GTF2H1: variants seen among roughly 807,000 people sequenced by gnomAD.
GTF2H1 encodes the protein general transcription factor IIH subunit 1.
Under a neutral mutation model 71.2 loss-of-function variants are expected in GTF2H1, and 16 were observed. The observed-to-expected ratio is 0.22, with a 90% CI of 0.15 to 0.34. The LOEUF (loss-of-function observed/expected upper bound fraction) is 0.34, where lower values mean the gene tolerates loss of function less well. Ranked by LOEUF, GTF2H1 falls within the 10% of genes least tolerant of loss-of-function variation. GTF2H1 has a pLI of 1.00. For synonymous variants in GTF2H1, 215 were observed against 219.0 expected (o/e 0.98, Z 0.16); for missense variants, 498 against 648.2 (o/e 0.77, Z 2.52).
chr11:18,340,891 A>G (rs1376739421), intron 5 of GTF2H1, among the ~76,000 whole-genome samples: 1 of 152,198 alleles, frequency 6.6e-6, no homozygotes, highest in Non-Finnish European at 1.5e-5. Context: ...CTGACAGTCC[A>G]GTGGATATTG....
At chr11:18,325,776 A>G (rs921269760) in intron 1 of GTF2H1, among the ~76,000 whole-genome samples, 1 of 152,246 alleles carries the variant, frequency 6.6e-6, no homozygotes, top group Non-Finnish European at 1.5e-5. Flanking sequence ...GGACAAATAC[A>G]TTTTTAACTG....
chr11:18,353,427 C>G (rs1391160103), intron 11 of GTF2H1, among the ~76,000 whole-genome samples: 1 of 152,134 alleles, frequency 6.6e-6, no homozygotes, highest in Non-Finnish European at 1.5e-5. Context: ...CCACACATGG[C>G]CAAGGGTTCC....
In GTF2H1 at chr11:18,331,857, G is replaced by T. The variant is rs115044704; in HGVS notation, c.-15-1203G>T. On this transcript the variant is annotated intron_variant, in intron 1 of 14. Transcript: ENST00000265963. ...CTAATGGCAGATCCAGTATTTCATTGTTCCCATTTTATTTGTTTAGAGACA... is the reference window on the plus strand; with the variant it reads ...CTAATGGCAGATCCAGTATTTCATTTTTCCCATTTTATTTGTTTAGAGACA... Among the ~76,000 whole-genome samples, 75 of 152,178 alleles carry T rather than the reference G, an allele frequency of 4.9e-4. 1 individual carries two copies. The highest frequency in any genetic ancestry group is 1.8e-3 in the African/African-American group (73 of 41,526).
At chr11:18,338,039 T>G (rs551026456) in intron 3 of GTF2H1, 70 bp from the exon 4 acceptor site, 1 of 1,050,546 alleles carries the variant, frequency 9.5e-7, no homozygotes, top group African/African-American at 1.6e-5. Context: ...TGCCAAAATC[T>G]TTTTAAAATG....
intron 1 of GTF2H1, among the ~76,000 whole-genome samples, chr11:18,323,108 A>G (rs1864575193): frequency 6.6e-6 from 1 of 152,098 alleles, no homozygotes; most frequent in Non-Finnish European, 1.5e-5. Context: ...TTGTCTGCAC[A>G]CCTTTTGCTT....
intron 9 of GTF2H1, among the ~76,000 whole-genome samples, chr11:18,349,702 A>G (rs1397324917): frequency 1.3e-5 from 2 of 151,650 alleles, no homozygotes; most frequent in Non-Finnish European, 1.5e-5. Context: ...ATAAAAAAGA[A>G]ATTTATTTAC....
At chr11:18,362,024 A>G (rs1865715269) in intron 14 of GTF2H1, among the ~76,000 whole-genome samples, 1 of 152,236 alleles carries the variant, frequency 6.6e-6, no homozygotes, top group African/African-American at 2.4e-5. Context: ...GCTTAACCAC[A>G]GGGATGTGTT....
intron 1 of GTF2H1, among the ~76,000 whole-genome samples, chr11:18,329,346 T>C (rs949833635): frequency 6.6e-6 from 1 of 152,166 alleles, no homozygotes; most frequent in Admixed American, 6.5e-5. Context: ...TCAAATCTGC[T>C]CTTCCTTCTC....
intron 1 of GTF2H1, among the ~76,000 whole-genome samples, chr11:18,328,031 A>G (rs1222899527): frequency 6.6e-6 from 1 of 151,930 alleles, no homozygotes; most frequent in African/African-American, 2.4e-5. Context: ...GTGAAACCCC[A>G]TCTCTACTAA....
At chr11:18,350,067 G>A (rs112110133) in intron 9 of GTF2H1, among the ~76,000 whole-genome samples, 1 of 152,316 alleles carries the variant, frequency 6.6e-6, no homozygotes, top group East Asian at 1.9e-4. Context: ...TCAAACCATT[G>A]TAAGTCAGGG....
Position 18,352,349 on chromosome 11 carries a change from C to A in GTF2H1, c.1163C>A (p.Pro388Gln). 2 of 1,531,428 alleles carry A rather than the reference C, an allele frequency of 1.3e-6. No individual in the cohort carries two copies. Among genetic ancestry groups the A allele is most frequent in the South Asian group, 1.1e-5 (1 of 88,972 alleles). The allele number at this position is 1,531,428 out of a possible 1,614,324, so 94.9% of individuals were successfully genotyped here. ...TGCAGGTATTATCATGGTCCAACTC[C>A]AATCCAGTCACTACAGTATGCAACA... ...KSDRYYHGPT[P>Q]IQSLQYATSQ... The change falls in exon 11 of 15, where the codon CCA (proline) becomes CAA (glutamine). Residue 388 changes from proline to glutamine, a missense_variant. By Grantham distance (76) the Pro-to-Gln change is moderately conservative (BLOSUM62 -1). Around this residue, in one of 3 missense-constraint regions of GTF2H1, gnomAD observed 266 missense variants for 301.6 expected, o/e 0.88. Transcript: ENST00000265963.
intron 13 of GTF2H1, among the ~76,000 whole-genome samples, chr11:18,360,279 C>T (rs373458270): frequency 2.0e-4 from 30 of 152,172 alleles, no homozygotes; most frequent in Admixed American, 1.5e-3. Flanking sequence ...TGTGCCACCA[C>T]GCCCAGCTAA....
intron 2 of GTF2H1, among the ~76,000 whole-genome samples, chr11:18,335,022 C>T (rs994692062): frequency 1.3e-5 from 2 of 152,028 alleles, no homozygotes; most frequent in Non-Finnish European, 2.9e-5. Flanking sequence ...TCTTTAGTCC[C>T]TTTCAGGGTA....
chr11:18,338,174 G>T lies in GTF2H1; in HGVS notation c.413G>T (p.Ser138Ile), dbSNP rs1334512678. 1.2e-6 allele frequency: 2 copies of T among 1,608,158 alleles called. No individual in the cohort carries two copies. The highest frequency in any genetic ancestry group is 1.7e-6 in the Non-Finnish European group (2 of 1,174,566). Residue 138 changes from serine (S) to isoleucine (I), a missense_variant, in exon 4 of 15, where the codon AGT (serine) becomes ATT (isoleucine). By Grantham distance (142) the Ser-to-Ile change is moderately radical (BLOSUM62 -2). Around this residue, in one of 3 missense-constraint regions of GTF2H1, gnomAD observed 216 missense variants for 306.2 expected, o/e 0.71. Transcript: ENST00000265963. Reference sequence around the variant, plus strand: ...GACCTTGTTGTGAGTCAAGTGATCAGTGCTGAGGAATTCTGGGCCAATCGT... The same window carrying T: ...GACCTTGTTGTGAGTCAAGTGATCATTGCTGAGGAATTCTGGGCCAATCGT... ...YKDLVVSQVI[S>I]AEEFWANRLN... is the part of the protein sequence containing the mutation.
At chr11:18,361,318 G>A (rs1324752452) in intron 14 of GTF2H1, among the ~76,000 whole-genome samples, 1 of 152,082 alleles carries the variant, frequency 6.6e-6, no homozygotes, top group African/African-American at 2.4e-5. Flanking sequence ...CCCTCCAGAG[G>A]TCATGACTAA....
At chr11:18,349,790 C>T (rs4150646) in intron 9 of GTF2H1, among the ~76,000 whole-genome samples, 2,697 of 152,322 alleles carry the variant, frequency 0.018, 62 homozygotes, top group African/African-American at 0.054. Context: ...GTTGCAAATA[C>T]TGTAAATCAA....
chr11:18,358,781 A>G (rs997235939), intron 13 of GTF2H1, 141 bp downstream of exon 13: 7 of 596,264 alleles, frequency 1.2e-5, no homozygotes, highest in African/African-American at 5.6e-5. Flanking sequence ...TGTAAACCTC[A>G]CAGCATCTTT....
chr11:18,325,658 T>G (rs577351655), intron 1 of GTF2H1, among the ~76,000 whole-genome samples: 1 of 152,004 alleles, frequency 6.6e-6, no homozygotes, highest in Non-Finnish European at 1.5e-5. Context: ...AGCTGGTAAC[T>G]TTGAAGCTTA....
intron 1 of GTF2H1, among the ~76,000 whole-genome samples, chr11:18,332,102 A>T (rs1864913775): frequency 6.6e-6 from 1 of 152,088 alleles, no homozygotes; most frequent in African/African-American, 2.4e-5. Context: ...GCGGGGGGTT[A>T]CAGGTGTAAG....
Sources: gnomAD v4.1 joint callset for allele counts (sites outside exome capture counted in the v4.1 genomes callset) on GRCh38, gnomAD v4.1.1 for gene constraint, gnomAD v4.1.1 regional missense constraint, MANE v1.5 for transcripts, NCBI Gene and HGNC (gene_info 2026-07-23, HGNC 2026-07-21) for gene names.